Variants in ACAD11 observed in about 807,000 individuals in gnomAD.
The protein encoded by ACAD11 is acyl-CoA dehydrogenase family member 11, also known as acyl-Coenzyme A dehydrogenase family, member 11.
Under a neutral mutation model 102.2 loss-of-function variants are expected in ACAD11, and 83 were observed. That is an observed-to-expected ratio of 0.81 (90% CI 0.68 to 0.97). The LOEUF (loss-of-function observed/expected upper bound fraction) is 0.97, where lower values mean the gene tolerates loss of function less well. Ranked by LOEUF, ACAD11 falls within the 50% of genes least tolerant of loss-of-function variation. The pLI is 0.00. For synonymous variants in ACAD11, 324 were observed against 319.8 expected (o/e 1.01, Z -0.14); for missense variants, 901 against 951.7 (o/e 0.95, Z 0.70).
rs1291929003 is a variant in ACAD11, at chr3:132,569,828, A to AGGCTATAAAAGCAAAG, written c.2001+5943_2001+5944insCTTTGCTTTTATAGCC. Among the ~76,000 whole-genome samples the AGGCTATAAAAGCAAAG allele has an allele frequency of 1.4e-4, 21 of 152,286 alleles. No homozygotes were observed. The East Asian group carries it at 4.1e-3, about 29-fold the overall frequency. On this transcript the variant is annotated intron_variant, in intron 17 of 19. Transcript: ENST00000264990. Reference sequence around the variant, plus strand: ...GAAGGTTGGGGTGGAAGCAAAGTAAATGTGGCTATAAAAGGGCAACATGAA... The same window carrying AGGCTATAAAAGCAAAG: ...GAAGGTTGGGGTGGAAGCAAAGTAAAGGCTATAAAAGCAAAGTGTGGCTATAAAAGGGCAACATGAA...
chr3:132,587,432 T>A (rs911735003), intron 13 of ACAD11, among the ~76,000 whole-genome samples: 1 of 152,316 alleles, frequency 6.6e-6, no homozygotes, highest in East Asian at 1.9e-4. Context: ...TTTTCAGATA[T>A]TTTACCTTTA....
intron 4 of ACAD11, 112 bp from the exon 5 acceptor site, chr3:132,639,768 C>T (rs1940414129): frequency 2.1e-6 from 2 of 968,902 alleles, no homozygotes; most frequent in South Asian, 1.6e-5. Flanking sequence ...ATACTTAAGA[C>T]CCATGCTGGT....
intron 9 of ACAD11, among the ~76,000 whole-genome samples, chr3:132,624,278 T>G (rs1272902572): frequency 6.7e-6 from 1 of 149,104 alleles, no homozygotes; most frequent in African/African-American, 2.5e-5. Flanking sequence ...ACACTCTAGC[T>G]TGGAGACACA....
At chr3:132,583,142 T>C (rs1333057346) in intron 13 of ACAD11, among the ~76,000 whole-genome samples, 1 of 152,172 alleles carries the variant, frequency 6.6e-6, no homozygotes, top group African/African-American at 2.4e-5. Context: ...CTCCTCCTTG[T>C]ACCTCTGGTA....
At chr3:132,613,928 C>A (rs994509252) in intron 11 of ACAD11, among the ~76,000 whole-genome samples, 4 of 151,842 alleles carry the variant, frequency 2.6e-5, no homozygotes, top group Admixed American at 6.6e-5. Context: ...AAAACCCCAT[C>A]ATCTCAGCCC....
At chr3:132,597,101 T>G (rs2107814890) in intron 13 of ACAD11, 1 of 152,240 alleles carries the variant, frequency 6.6e-6, no homozygotes, top group Non-Finnish European at 1.5e-5. Flanking sequence ...AAAGATGGAT[T>G]TTCTCAAATT....
chr3:132,559,934 C>G lies in ACAD11; in HGVS notation c.2127G>C (p.Met709Ile). The G allele has an allele frequency of 6.2e-7, 1 of 1,611,856 alleles. No homozygotes were observed. The highest frequency in any genetic ancestry group is 8.5e-7 in the Non-Finnish European group (1 of 1,178,530). ...GSAGAKKEIA[M>I]IKVAAPRAVS... ...CAGCCCGTGGGGCAGCCACTTTGAT[C>G]ATTGCAATCTATATAAGCAAAATAT... The change falls in exon 19 of 20, where the codon ATG becomes ATC. Residue 709 changes from methionine (M) to isoleucine (I), a missense_variant. Physicochemically the swap from Met to Ile is conservative, Grantham distance 10 (BLOSUM62 1). Coordinates refer to ENST00000264990, the MANE Select transcript of ACAD11 (RefSeq NM_032169.5).
chr3:132,579,526 CAATTGCAATT>C lies in ACAD11; in HGVS notation c.1644_1653del (p.Ile549PhefsTer18), dbSNP rs1937568945. The C allele has an allele frequency of 6.2e-7, 1 of 1,612,922 alleles. No homozygotes were observed. Among genetic ancestry groups the C allele is most frequent in the South Asian group, 1.1e-5 (1 of 91,004 alleles). ...GAAGTATTTTGAGTTCTTCCCAAAA[CAATTGCAATT>C]TTGCACTTGGGATTCCCAGCTCCTA... On this transcript the variant is annotated frameshift_variant, in exon 14 of 20. Transcript: ENST00000264990. LOFTEE classifies it high-confidence loss of function.
At chr3:132,618,570 T>C (rs762377125) in intron 11 of ACAD11, 64 bp downstream of exon 11, 6 of 1,353,522 alleles carry the variant, frequency 4.4e-6, no homozygotes, top group African/African-American at 3.1e-5. Context: ...TCTTATCATA[T>C]ATAGAAATTT....
rs532261836 is a variant in ACAD11 at position 132,644,557 on chromosome 3, T to C, written c.249+240A>G. On this transcript the variant is annotated intron_variant, in intron 2 of 19. Transcript: ENST00000264990. ...GCAAACAACGTAGAGGAAAATCAAA[T>C]ACACAAAAGAACTGGGTGTTGTTCA... 1.7e-4 allele frequency among the ~76,000 whole-genome samples: 26 copies of C among 152,228 alleles called. No individual in the cohort carries two copies. In the South Asian group the frequency reaches 5.2e-3, roughly 30 times the overall value.
chr3:132,604,951 TAAC>T (rs1938775406), intron 12 of ACAD11, 144 bp downstream of exon 12: 1 of 523,476 alleles, frequency 1.9e-6, no homozygotes, highest in Non-Finnish European at 3.4e-6. Flanking sequence ...CAAAATTTAA[TAAC>T]AGGCTCAAAA....
Position 132,569,256 on chromosome 3 carries a change from G to A in ACAD11, c.2001+6516C>T, listed in dbSNP as rs144063683. Among the ~76,000 whole-genome samples, 85 of 152,168 alleles carry A rather than the reference G, an allele frequency of 5.6e-4. 1 individual carries two copies. The East Asian group carries it at 0.016, about 28-fold the overall frequency. On this transcript the variant is annotated intron_variant, in intron 17 of 19. Coordinates refer to ENST00000264990, the MANE Select transcript of ACAD11 (RefSeq NM_032169.5). ...ATGCTCAACATGATTCACCAACAGG[G>A]CAACTGAGATTAAAGCCACAATGAG...
intron 13 of ACAD11, among the ~76,000 whole-genome samples, chr3:132,598,578 G>A (rs150970926): frequency 6.8e-4 from 104 of 152,348 alleles, no homozygotes; most frequent in African/African-American, 1.9e-3. Flanking sequence ...GGGGTATGTA[G>A]AGATTGCTAA....
intron 2 of ACAD11, 82 bp downstream of exon 2, chr3:132,644,714 CT>C: frequency 3.0e-6 from 2 of 656,046 alleles, no homozygotes; most frequent in Non-Finnish European, 2.4e-6. Flanking sequence ...CATAAGATGC[CT>C]TTTAAAAGTA....
At chr3:132,611,275 T>C (rs992339056) in intron 11 of ACAD11, among the ~76,000 whole-genome samples, 1 of 152,076 alleles carries the variant, frequency 6.6e-6, no homozygotes, top group Non-Finnish European at 1.5e-5. Context: ...TCAAACTGAA[T>C]GGACAAAAAC....
At chr3:132,602,798 T>C (rs1938670387) in intron 13 of ACAD11, among the ~76,000 whole-genome samples, 1 of 152,156 alleles carries the variant, frequency 6.6e-6, no homozygotes, top group Non-Finnish European at 1.5e-5. Flanking sequence ...GCAGAATTAA[T>C]TAATTATTTT....
chr3:132,600,611 CAG>C lies in ACAD11; in HGVS notation c.1621+2616_1621+2617del, dbSNP rs1559949712. On this transcript the variant is annotated intron_variant, in intron 13 of 19. Coordinates refer to ENST00000264990, the MANE Select transcript of ACAD11 (RefSeq NM_032169.5). ...GGCAATTTATGCCTATTACAAGAAA[CAG>C]AGAACCAAAACAGATGTGTACATCC... The C allele has an allele frequency of 1.9e-6, 3 of 1,613,778 alleles. No homozygotes were observed. In the Admixed American group the frequency reaches 5.0e-5, roughly 27 times the overall value.
chr3:132,632,943 G>A (rs1218530451), intron 5 of ACAD11, among the ~76,000 whole-genome samples: 1 of 152,188 alleles, frequency 6.6e-6, no homozygotes, highest in Non-Finnish European at 1.5e-5. Context: ...AGACTTTGCT[G>A]AAGTTGCTTA....
chr3:132,581,219 G>A (rs556988165), intron 13 of ACAD11, among the ~76,000 whole-genome samples: 1 of 152,074 alleles, frequency 6.6e-6, no homozygotes, highest in Admixed American at 6.5e-5. Context: ...GATGCTAGAT[G>A]AAAATGAATA....
Sources: gnomAD v4.1 joint callset for allele counts (sites outside exome capture counted in the v4.1 genomes callset) on GRCh38, gnomAD v4.1.1 for gene constraint, MANE v1.5 for transcripts, NCBI Gene and HGNC (gene_info 2026-07-23, HGNC 2026-07-21) for gene names.